Variants in OR51B5 observed in about 807,000 individuals in gnomAD.
OR51B5 encodes olfactory receptor 51B5.
For missense variants in OR51B5, 456 were observed against 374.6 expected, an observed-to-expected ratio of 1.22 and a Z score of -1.79; for synonymous variants, 186 against 144.8, an observed-to-expected ratio of 1.28 and a Z score of -2.04.
At chr11:5,346,208 C>T (rs546742007), upstream of OR51B5, 2 of 143,680 alleles carry the variant, frequency 1.4e-5, no homozygotes, top group East Asian at 1.9e-4. Flanking sequence ...CAATAATAAC[C>T]TGCAACTTAA....
At chr11:5,353,415 T>C (rs1281777858) in intron 1 of OR51B5, among the ~76,000 whole-genome samples, 1 of 152,038 alleles carries the variant, frequency 6.6e-6, no homozygotes, top group Non-Finnish European at 1.5e-5. Context: ...TAAGACTAGA[T>C]AGGGGTGTCT....
chr11:5,375,164 G>C (rs1294345283), intron 1 of OR51B5, among the ~76,000 whole-genome samples: 1 of 147,380 alleles, frequency 6.8e-6, no homozygotes, highest in Admixed American at 6.8e-5. Flanking sequence ...CCAGAAGAGA[G>C]TGGGGGCCAA....
chr11:5,445,132 T>C (rs1850741925), intron 1 of OR51B5, among the ~76,000 whole-genome samples: 1 of 152,170 alleles, frequency 6.6e-6, no homozygotes, highest in Admixed American at 6.6e-5. Context: ...CTATAATCTA[T>C]GTATTCGTAC....
chr11:5,351,345 C>G (rs142793677), intron 1 of OR51B5, among the ~76,000 whole-genome samples: 207 of 152,214 alleles, frequency 1.4e-3, no homozygotes, highest in African/African-American at 4.7e-3. Context: ...TTTCCCATAC[C>G]TAGGATCTCC....
At chr11:5,413,725 T>A (rs1850188006) in intron 1 of OR51B5, among the ~76,000 whole-genome samples, 1 of 151,604 alleles carries the variant, frequency 6.6e-6, no homozygotes, top group Admixed American at 6.6e-5. Flanking sequence ...AGAAGAGAAG[T>A]TTAGAGAAAA....
rs1190987719 is a variant in OR51B5, at chr11:5,477,832, T to G, written n.84+27737A>C. Among the ~76,000 whole-genome samples the G allele has an allele frequency of 2.0e-5, 3 of 152,134 alleles. No individual in the cohort carries two copies. In the East Asian group the frequency reaches 5.8e-4, roughly 29 times the overall value. ...CTTAAAAAACGGCGCACCATGAGAT[T>G]ATATCCCGCACCTGGCTCGGAGGGT... On this transcript the variant is annotated intron_variant and non_coding_transcript_variant, in intron 1 of 4. Coordinates refer to the OR51B5 transcript ENST00000415970.
chr11:5,446,795 A>G (rs1161964466), intron 1 of OR51B5, among the ~76,000 whole-genome samples: 1 of 152,214 alleles, frequency 6.6e-6, no homozygotes, highest in Non-Finnish European at 1.5e-5. Context: ...TGCAGAGCCA[A>G]CTATAATAGA....
At chr11:5,341,975 AG>A (rs1848902249), downstream of OR51B5, among the ~76,000 whole-genome samples, 1 of 152,154 alleles carries the variant, frequency 6.6e-6, no homozygotes, top group Non-Finnish European at 1.5e-5. Context: ...AATAAATATG[AG>A]TTTATGGTTT....
intron 1 of OR51B5, among the ~76,000 whole-genome samples, chr11:5,403,884 C>G (rs182077878): frequency 6.6e-6 from 1 of 152,124 alleles, no homozygotes; most frequent in Non-Finnish European, 1.5e-5. Context: ...AATGGGAAAT[C>G]TATTGAGCCC....
chr11:5,478,729 G>T (rs1039635154), intron 1 of OR51B5, among the ~76,000 whole-genome samples: 1 of 151,520 alleles, frequency 6.6e-6, no homozygotes, highest in Non-Finnish European at 1.5e-5. Context: ...AGCCTCAGGA[G>T]CCGATGCGAT....
chr11:5,462,958 CA>C (rs1851081449), intron 1 of OR51B5, among the ~76,000 whole-genome samples: 1 of 152,094 alleles, frequency 6.6e-6, no homozygotes, highest in African/African-American at 2.4e-5. Context: ...GAATCTGTTC[CA>C]AAAAATTACC....
chr11:5,414,850 A>T (rs1428683210), intron 1 of OR51B5, among the ~76,000 whole-genome samples: 2 of 152,228 alleles, frequency 1.3e-5, no homozygotes, highest in Admixed American at 1.3e-4. Flanking sequence ...CCCACTGTCA[A>T]CATTAGATAG....
chr11:5,384,575 C>A (rs116936857), intron 1 of OR51B5, among the ~76,000 whole-genome samples: 11 of 152,320 alleles, frequency 7.2e-5, no homozygotes, highest in Non-Finnish European at 1.6e-4. Flanking sequence ...CCAGCCCCTC[C>A]CTGGATCATG....
chr11:5,430,699 C>T (rs1224695167), intron 1 of OR51B5: 1 of 456,468 alleles, frequency 2.2e-6, no homozygotes, highest in Non-Finnish European at 4.4e-6. Context: ...AATTCCCTGT[C>T]TTATTGTCTG....
At chr11:5,368,483 A>G (rs951231061) in intron 1 of OR51B5, among the ~76,000 whole-genome samples, 1 of 152,326 alleles carries the variant, frequency 6.6e-6, no homozygotes, top group South Asian at 2.1e-4. Context: ...TATAATCATC[A>G]TTGAAAATTT....
At chr11:5,489,250 T>G in intron 1 of OR51B5, 1 of 1,614,050 alleles carries the variant, frequency 6.2e-7, no homozygotes, top group South Asian at 1.1e-5. Flanking sequence ...ACACACATAC[T>G]GTGAGCATAT....
At position 5,359,803 on chromosome 11, in the gene OR51B5, C is replaced by A. The variant is rs12789608; in HGVS notation, n.85-12893G>T. On this transcript the variant is annotated intron_variant and non_coding_transcript_variant, in intron 1 of 4. Transcript: ENST00000415970. ...ACTGGTACCAAAACAGAGATATAGA[C>A]CAATGGAACAGAACAGAGGCCTCAG... is the stretch of plus-strand genomic sequence containing the variant. 9.9e-5 allele frequency among the ~76,000 whole-genome samples: 15 copies of A among 151,280 alleles called. No homozygotes were observed. In the South Asian group the frequency reaches 3.1e-3, roughly 32 times the overall value.
At chr11:5,370,873 AT>A (rs1849437544) in intron 1 of OR51B5, among the ~76,000 whole-genome samples, 1 of 152,226 alleles carries the variant, frequency 6.6e-6, no homozygotes, top group African/African-American at 2.4e-5. Context: ...AGGAGGTAAT[AT>A]TTCAGCTGTG....
At chr11:5,461,498 G>A (rs1221708420) in intron 1 of OR51B5, among the ~76,000 whole-genome samples, 2 of 152,104 alleles carry the variant, frequency 1.3e-5, no homozygotes, top group Non-Finnish European at 2.9e-5. Flanking sequence ...CTGTCCCGTG[G>A]GCAAGAGAGC....
Sources: allele counts gnomAD v4.1 joint callset (sites outside exome capture counted in the v4.1 genomes callset), GRCh38; gene constraint gnomAD v4.1.1; transcripts MANE v1.5; gene names NCBI Gene and HGNC (gene_info 2026-07-23, HGNC 2026-07-21).